MYO15A: variants seen among roughly 807,000 people sequenced by gnomAD.
MYO15A encodes myosin XVA, also known as unconventional myosin-XV.
In MYO15A, 308 loss-of-function variants were observed where a neutral mutation model predicts 394.6. The observed-to-expected ratio is 0.78, with a 90% CI of 0.71 to 0.86. The LOEUF (loss-of-function observed/expected upper bound fraction) is 0.86, where lower values mean the gene tolerates loss of function less well. MYO15A is among the 40% of genes least tolerant of loss of function. The probability of loss-of-function intolerance (pLI) is 0.00; values close to 1 mark genes in which losing one functional copy is unlikely to be tolerated. For synonymous variants in MYO15A, 1,957 were observed against 2,003.8 expected, an observed-to-expected ratio of 0.98 and a Z score of 0.62; for missense variants, 4,606 against 4,799.1, an observed-to-expected ratio of 0.96 and a Z score of 1.19.
Position 18,120,699 on chromosome 17 carries a change from A to G in MYO15A, c.1899A>G (p.Pro633=), listed in dbSNP as rs2955366. 563,046 of 1,543,570 alleles carry G rather than the reference A, an allele frequency of 0.36. 113,193 individuals are homozygous for G. Among genetic ancestry groups the G allele is most frequent in the South Asian group, 0.7 (59,485 of 84,840 alleles). The part of the protein sequence containing the change: ...GTPIVLRRAQ[P]RARSSNDARR... ...CCATCGTGCTGAGGAGGGCCCAGCC[A>G]CGCGCTCGCAGCAGCAACGACGCGC... Residue 633 remains proline (P), a synonymous_variant, in exon 2 of 66, where the codon CCA becomes CCG. Coordinates refer to ENST00000647165, the MANE Select transcript of MYO15A (RefSeq NM_016239.4).
intron 57 of MYO15A, among the ~76,000 whole-genome samples, chr17:18,161,750 C>T (rs1416672744): frequency 5.3e-5 from 8 of 152,034 alleles, no homozygotes; most frequent in African/African-American, 9.7e-5. Context: ...ATATGTGGTA[C>T]GTGGGAGAAG....
In MYO15A at chr17:18,174,150, G is replaced by C. The variant is rs558079243; in HGVS notation, c.10491+229G>C. 9.8e-5 allele frequency among the ~76,000 whole-genome samples: 15 copies of C among 152,314 alleles called. No homozygotes were observed. The South Asian group carries it at 3.1e-3, about 32-fold the overall frequency. On this transcript the variant is annotated intron_variant, in intron 65 of 65. Transcript: ENST00000647165. Reference sequence around the variant, plus strand: ...CAGTACGGAGCCATAGAAGGTTGATGAGAGGGCAAGGACACTAGAGGTTTG... The same window carrying C: ...CAGTACGGAGCCATAGAAGGTTGATCAGAGGGCAAGGACACTAGAGGTTTG...
intron 1 of MYO15A, among the ~76,000 whole-genome samples, chr17:18,116,293 C>T (rs934464116): frequency 1.3e-5 from 2 of 152,194 alleles, no homozygotes; most frequent in Non-Finnish European, 1.5e-5. Context: ...GGGGTTAGCA[C>T]GACTATGCTC....
At chr17:18,135,936 C>T in intron 13 of MYO15A, 112 bp downstream of exon 13, 1 of 1,010,336 alleles carries the variant, frequency 9.9e-7, no homozygotes, top group Non-Finnish European at 1.5e-6. Context: ...CTCTCTCTGT[C>T]CCTGGGTCAG....
At chr17:18,134,651 G>A (rs2046231565) in intron 12 of MYO15A, among the ~76,000 whole-genome samples, 1 of 152,190 alleles carries the variant, frequency 6.6e-6, no homozygotes, top group South Asian at 2.1e-4. Flanking sequence ...GGGAGGCCAA[G>A]GCAGGTGGAT....
intron 23 of MYO15A, 51 bp from the exon 24 acceptor site, chr17:18,142,028 A>C (rs781567021): frequency 7.5e-6 from 12 of 1,601,728 alleles, no homozygotes; most frequent in Non-Finnish European, 1.0e-5. Flanking sequence ...AGGGGCCCTT[A>C]GTCCAGCCTC....
At chr17:18,161,141 C>A in intron 56 of MYO15A, 176 bp from the exon 57 acceptor site, 1 of 1,028,550 alleles carries the variant, frequency 9.7e-7, no homozygotes, top group Non-Finnish European at 1.5e-6. Context: ...TCCCTATCCC[C>A]AATCCTGACT....
intron 47 of MYO15A, among the ~76,000 whole-genome samples, 167 bp downstream of exon 47, chr17:18,155,599 A>C (rs954234044): frequency 6.6e-6 from 1 of 152,146 alleles, no homozygotes; most frequent in South Asian, 2.1e-4. Flanking sequence ...AGGCTCAGAG[A>C]GAGAAGTTGT....
chr17:18,127,214 A>G, intron 7 of MYO15A, 49 bp downstream of exon 7: 1 of 1,597,534 alleles, frequency 6.3e-7, no homozygotes. Flanking sequence ...CCCTTTGATA[A>G]GCACACCTCA....
Position 18,150,586 on chromosome 17 carries a change from G to C in MYO15A, c.7327+43G>C. 1 of 1,612,982 alleles carries C rather than the reference G, an allele frequency of 6.2e-7. No homozygotes were observed. The highest frequency in any genetic ancestry group is 8.5e-7 in the Non-Finnish European group (1 of 1,179,132). On this transcript the variant is annotated intron_variant, in intron 36 of 65. Coordinates refer to ENST00000647165, the MANE Select transcript of MYO15A (RefSeq NM_016239.4). This position sits in a 1 kb window ranked among gnomAD's most constrained non-coding sequence, Gnocchi z 4.4. ...GTGGTTCCAGGGTTGGGCAGGGCCA[G>C]AGCCACTTGCTGGTGTGCTAGAATG...
At position 18,159,307 on chromosome 17, in the gene MYO15A, C is replaced by T. The variant is rs1289638804; in HGVS notation, c.9189C>T (p.Ser3063=). Residue 3063 remains serine (S), a synonymous_variant, in exon 54 of 66, where the codon AGC becomes AGT. Coordinates refer to ENST00000647165, the MANE Select transcript of MYO15A (RefSeq NM_016239.4). ...TPLQESLIEL[S]DSSLSKMATD... is the part of the protein sequence containing the mutation. ...TCCAGGAATCCCTCATCGAACTCAG[C>T]GACAGCAGCCTCAGCAAGATGGCCA... is the stretch of plus-strand genomic sequence containing the variant. The T allele has an allele frequency of 5.0e-6, 8 of 1,614,082 alleles. No homozygotes were observed. The highest frequency in any genetic ancestry group is 4.4e-5 in the South Asian group (4 of 91,082).
At chr17:18,134,703 C>A in intron 12 of MYO15A, among the ~76,000 whole-genome samples, 1 of 152,038 alleles carries the variant, frequency 6.6e-6, no homozygotes, top group Non-Finnish European at 1.5e-5. Context: ...GGCAACATAG[C>A]AAGACCTCAT....
In MYO15A at chr17:18,120,542, C is replaced by T. The variant is rs868536501; in HGVS notation, c.1742C>T (p.Ser581Leu). Residue 581 changes from serine to leucine, a missense_variant, in exon 2 of 66, where the codon TCG becomes TTG. Physicochemically the swap from Ser to Leu is moderately radical, Grantham distance 145. Transcript: ENST00000647165. Reference sequence around the variant, plus strand: ...GCGCGGTTCCTCAAGAAGACGCTGTCGGAGAAGAAGCCCATCGCGCGGCTC... The same window carrying T: ...GCGCGGTTCCTCAAGAAGACGCTGTTGGAGAAGAAGCCCATCGCGCGGCTC... The part of the protein sequence containing the change: ...SLARFLKKTL[S>L]EKKPIARLRG... 17 of 1,596,096 alleles carry T rather than the reference C, an allele frequency of 1.1e-5. No homozygotes were observed. Among genetic ancestry groups the T allele is most frequent in the Middle Eastern group, 1.7e-4 (1 of 5,870 alleles).
chr17:18,151,402 C>A lies in MYO15A; in HGVS notation c.7662C>A (p.Pro2554=), dbSNP rs2046579702. The A allele has an allele frequency of 2.7e-5, 43 of 1,614,226 alleles. No individual in the cohort carries two copies. The East Asian group carries it at 9.6e-4, about 36-fold the overall frequency. The change falls in exon 40 of 66, where the codon CCC becomes CCA. Residue 2554 remains proline, a synonymous_variant. Transcript: ENST00000647165. ...CGCGCCCCTTGCCCACAGCTTCACC[C>A]TCCCCAGAGCTGGTCCGGTACTCTA... is the stretch of plus-strand genomic sequence containing the variant. ...QDQASPETTS[P]SPELVRYSTL...
chr17:18,132,581 G>A lies in MYO15A; in HGVS notation c.4320+15G>A. On this transcript the variant is annotated intron_variant, in intron 11 of 65. Transcript: ENST00000647165. This position sits in a 1 kb window ranked among gnomAD's most constrained non-coding sequence, Gnocchi z 4.6. ...ATCTGAACCAGGTGAGTGCCAGCAG[G>A]CATCTGAAGGCCCCTGGCCCTGGTC... 1 of 1,600,252 alleles carries A rather than the reference G, an allele frequency of 6.2e-7. No homozygotes were observed. Among genetic ancestry groups the A allele is most frequent in the Non-Finnish European group, 8.5e-7 (1 of 1,173,202 alleles).
chr17:18,120,363 G>A lies in MYO15A; in HGVS notation c.1563G>A (p.Pro521=), dbSNP rs1436411697. The change falls in exon 2 of 66, where the codon CCG becomes CCA. Residue 521 remains proline (P), a synonymous_variant. Transcript: ENST00000647165. ...AAGAGGACGAGGAGGAGCTGCCCCC[G>A]GTTTCCGCTGTGCCCTACGGCCACC... ...DEEEDEEELP[P]VSAVPYGHPF... 4 of 1,612,028 alleles carry A rather than the reference G, an allele frequency of 2.5e-6. No homozygotes were observed. Among genetic ancestry groups the A allele is most frequent in the Admixed American group, 1.7e-5 (1 of 59,996 alleles).
intron 50 of MYO15A, 65 bp downstream of exon 50, chr17:18,157,295 G>C: frequency 6.5e-7 from 1 of 1,546,742 alleles, no homozygotes; most frequent in Non-Finnish European, 8.8e-7. Context: ...TCGTGGTGCA[G>C]ATGCACAGTG....
chr17:18,115,259 T>C (rs2045769531), intron 1 of MYO15A, among the ~76,000 whole-genome samples: 1 of 152,208 alleles, frequency 6.6e-6, no homozygotes, highest in Non-Finnish European at 1.5e-5. Context: ...GCTTCCATGC[T>C]GGCCTCCCTG....
chr17:18,161,036 A>G (rs2046766885), intron 56 of MYO15A: 1 of 569,978 alleles, frequency 1.8e-6, no homozygotes, highest in Admixed American at 2.3e-5. Context: ...GAGATCCCCT[A>G]CCTGTTGTGA....
Sources: gnomAD v4.1 joint callset for allele counts (sites outside exome capture counted in the v4.1 genomes callset) on GRCh38, gnomAD v4.1.1 for gene constraint, Gnocchi (gnomAD v3.1) non-coding constraint, MANE v1.5 for transcripts, NCBI Gene and HGNC (gene_info 2026-07-23, HGNC 2026-07-21) for gene names.